Variants in VGLL1 observed in about 807,000 individuals in gnomAD.
The protein encoded by VGLL1 is vestigial like family member 1, also known as transcription cofactor vestigial-like protein 1.
Under a neutral mutation model 12.0 loss-of-function variants are expected in VGLL1, and 4 were observed. The ratio of observed to expected loss-of-function variants is 0.33; its 90% CI spans 0.16 to 0.76. The LOEUF is 0.76. Ranked by LOEUF, VGLL1 falls within the 30% of genes least tolerant of loss-of-function variation. The pLI is 0.60. For missense variants in VGLL1, 204 were observed against 208.7 expected, an observed-to-expected ratio of 0.98 and a Z score of 0.14; for synonymous variants, 87 against 81.2, an observed-to-expected ratio of 1.07 and a Z score of -0.39.
chrX:136,532,653 CTTTCTTTCTTTT>C (rs1391164167), intron 1 of VGLL1, among the ~76,000 whole-genome samples: 9 of 52,260 alleles, frequency 1.7e-4, no homozygotes, highest in Non-Finnish European at 2.6e-4. Context: ...TTCTTTCTTT[CTTTCTTTCTTTT>C]TCTTTCTTTC....
intron 1 of VGLL1, among the ~76,000 whole-genome samples, chrX:136,535,226 C>G (rs1179230886): frequency 8.9e-6 from 1 of 112,031 alleles, no homozygotes; most frequent in Non-Finnish European, 1.9e-5. Context: ...AGCTATTGAG[C>G]ATCTACTCTA....
At chrX:136,536,313 C>A in intron 2 of VGLL1, 79 bp downstream of exon 2, 1 of 968,892 alleles carries the variant, frequency 1.0e-6, no homozygotes, top group Non-Finnish European at 1.5e-6. Flanking sequence ...ATGTACTTGA[C>A]ACACTTGGAC....
intron 2 of VGLL1, 70 bp from the exon 3 acceptor site, chrX:136,548,519 T>TA (rs878877155): frequency 0.017 from 14,090 of 830,603 alleles, no homozygotes; most frequent in Non-Finnish European, 0.02. Flanking sequence ...GAGTATGTAT[T>TA]AAAAAAAAAA....
At chrX:136,534,932 T>C (rs933284081) in intron 1 of VGLL1, among the ~76,000 whole-genome samples, 3 of 112,033 alleles carry the variant, frequency 2.7e-5, no homozygotes, top group Middle Eastern at 4.7e-3. Flanking sequence ...GAGAGAAAGA[T>C]AGTCTATTAA....
intron 1 of VGLL1, 100 bp from the exon 2 acceptor site, chrX:136,535,895 TG>T: frequency 1.5e-6 from 1 of 651,931 alleles, no homozygotes; most frequent in Non-Finnish European, 2.4e-6. Flanking sequence ...CACGTGTACC[TG>T]GTGGGAGCAA....
intron 4 of VGLL1, among the ~76,000 whole-genome samples, chrX:136,554,510 C>A (rs1324995538): frequency 9.0e-6 from 1 of 111,478 alleles, no homozygotes; most frequent in Non-Finnish European, 1.9e-5. Context: ...GTTGAGATTT[C>A]ATATTCTAAG....
At chrX:136,537,982 G>A (rs1359475528) in intron 2 of VGLL1, among the ~76,000 whole-genome samples, 2 of 111,838 alleles carry the variant, frequency 1.8e-5, no homozygotes, top group Non-Finnish European at 3.8e-5. Context: ...TCAACTAATA[G>A]TGCATGGTTT....
chrX:136,533,276 C>G (rs930805951), intron 1 of VGLL1, among the ~76,000 whole-genome samples: 1 of 111,458 alleles, frequency 9.0e-6, no homozygotes, highest in Non-Finnish European at 1.9e-5. Flanking sequence ...ATAGGTGGTA[C>G]TTATTCAGTG....
At chrX:136,532,645 CTTTCTTTCTTTCT>C (rs2075827882) in intron 1 of VGLL1, among the ~76,000 whole-genome samples, 1 of 77,997 alleles carries the variant, frequency 1.3e-5, no homozygotes, top group African/African-American at 4.8e-5. Flanking sequence ...TTCTTTCTTT[CTTTCTTTCTTTCT>C]TTCTTTTTCT....
chrX:136,545,233 C>A (rs1343024624), intron 2 of VGLL1, among the ~76,000 whole-genome samples: 1 of 111,968 alleles, frequency 8.9e-6, no homozygotes, highest in Non-Finnish European at 1.9e-5. Flanking sequence ...CTTTTAACCA[C>A]TTTCATCCTG....
intron 2 of VGLL1, among the ~76,000 whole-genome samples, chrX:136,536,931 C>T (rs2075841411): frequency 8.9e-6 from 1 of 112,052 alleles, no homozygotes; most frequent in South Asian, 3.7e-4. Context: ...AAGACTAAAA[C>T]ATAAATTAGA....
intron 4 of VGLL1, among the ~76,000 whole-genome samples, chrX:136,555,034 G>T (rs929341181): frequency 2.7e-5 from 3 of 112,073 alleles, no homozygotes; most frequent in South Asian, 3.8e-4. Context: ...GAGGCCTGGA[G>T]GGTGTCAATA....
chrX:136,554,108 G>A (rs913692721), intron 4 of VGLL1, among the ~76,000 whole-genome samples: 2 of 111,798 alleles, frequency 1.8e-5, no homozygotes, highest in East Asian at 2.8e-4. Context: ...TAATAGTTTC[G>A]TGGGGAAGAC....
At chrX:136,549,716 A>G (rs745322790) in intron 3 of VGLL1, among the ~76,000 whole-genome samples, 34 of 111,681 alleles carry the variant, frequency 3.0e-4, no homozygotes, top group African/African-American at 1.0e-3. Flanking sequence ...GATGCAAAAT[A>G]TCCATCAGAA....
rs964203164 is a variant in VGLL1 at position 136,548,934 on chromosome X, G to A, written c.560G>A (p.Arg187Lys). ...CLARPQESAA[R>K]ENGNPGQIAG... Reference sequence around the variant, plus strand: ...GCCCGTCCTCAGGAATCTGCCGCCAGGGAGAATGGCAACCCTGGCCAGATA... The same window carrying A: ...GCCCGTCCTCAGGAATCTGCCGCCAAGGAGAATGGCAACCCTGGCCAGATA... The change falls in exon 3 of 5, where the codon AGG (arginine) becomes AAG (lysine). Residue 187 changes from arginine to lysine, a missense_variant. Arg to Lys is a conservative substitution (Grantham distance 26). Coordinates refer to ENST00000370634, the MANE Select transcript of VGLL1 (RefSeq NM_016267.4). The A allele has an allele frequency of 2.0e-5, 24 of 1,210,671 alleles. No homozygotes were observed. Among genetic ancestry groups the A allele is most frequent in the Non-Finnish European group, 2.3e-5 (21 of 895,420 alleles).
chrX:136,538,335 T>C (rs1421122848), intron 2 of VGLL1, among the ~76,000 whole-genome samples: 1 of 112,503 alleles, frequency 8.9e-6, no homozygotes, highest in African/African-American at 3.2e-5. Context: ...TGAGTTCATG[T>C]TTTAAATATA....
chrX:136,535,946 C>T (rs2075838397), intron 1 of VGLL1, 50 bp from the exon 2 acceptor site: 20 of 1,067,796 alleles, frequency 1.9e-5, no homozygotes, highest in Non-Finnish European at 2.4e-5. Context: ...CAAACCACAG[C>T]CAAGCCACTT....
At chrX:136,549,039 G>A in intron 3 of VGLL1, 31 bp downstream of exon 3, 1 of 1,176,600 alleles carries the variant, frequency 8.5e-7, no homozygotes, top group Non-Finnish European at 1.1e-6. Context: ...ACTTGGAGGG[G>A]TGCCTCTGAT....
chrX:136,534,728 A>T (rs898445525), intron 1 of VGLL1, among the ~76,000 whole-genome samples: 2 of 112,066 alleles, frequency 1.8e-5, no homozygotes, highest in Admixed American at 9.5e-5. Flanking sequence ...AGAAATTACC[A>T]GTTTTTCAAA....
Sources: gnomAD v4.1 joint callset for allele counts (sites outside exome capture counted in the v4.1 genomes callset) on GRCh38, gnomAD v4.1.1 for gene constraint, MANE v1.5 for transcripts, NCBI Gene and HGNC (gene_info 2026-07-23, HGNC 2026-07-21) for gene names.